Variants in UTP4 observed in about 807,000 individuals in gnomAD.
The protein encoded by UTP4 is U3 small nucleolar RNA-associated protein 4 homolog.
UTP4 carries 45 observed loss-of-function variants against 82.4 expected under a neutral mutation model. The observed-to-expected ratio is 0.55, with a 90% CI of 0.43 to 0.70. The LOEUF (loss-of-function observed/expected upper bound fraction) is 0.70. UTP4 is among the 30% of genes least tolerant of loss of function. UTP4 has a pLI of 0.00. For synonymous variants in UTP4, 348 were observed against 300.3 expected (o/e 1.16, Z -1.64); for missense variants, 819 against 858.3 (o/e 0.95, Z 0.57).
chr16:69,156,977 A>G, intron 11 of UTP4, 107 bp from the exon 12 acceptor site: 1 of 1,163,300 alleles, frequency 8.6e-7, no homozygotes, highest in African/African-American at 1.5e-5. Flanking sequence ...CAGTTGGCTT[A>G]CTTAGAGACA....
intron 6 of UTP4, among the ~76,000 whole-genome samples, chr16:69,147,013 AAAAAAAATAC>A (rs1350373943): frequency 2.6e-4 from 38 of 148,698 alleles, no homozygotes; most frequent in Non-Finnish European, 4.5e-4. Flanking sequence ...AAAAAAAAAA[AAAAAAAATAC>A]AAAAATTAGC....
intron 4 of UTP4, among the ~76,000 whole-genome samples, chr16:69,138,674 G>A (rs1373739148): frequency 2.0e-5 from 3 of 152,206 alleles, no homozygotes; most frequent in East Asian, 1.9e-4. Flanking sequence ...GACTGTTTCT[G>A]TAAAGGACCA....
chr16:69,159,346 G>T (rs1388806826), intron 12 of UTP4, among the ~76,000 whole-genome samples: 5 of 151,996 alleles, frequency 3.3e-5, no homozygotes, highest in African/African-American at 1.2e-4. Flanking sequence ...CTCCCAAAGT[G>T]CTGGGATTAC....
At chr16:69,156,109 G>C (rs1280380701) in intron 11 of UTP4, 116 bp downstream of exon 11, 3 of 1,000,700 alleles carry the variant, frequency 3.0e-6, no homozygotes, top group Non-Finnish European at 4.7e-6. Flanking sequence ...ACTATTTGGA[G>C]ATTTGGAGAA....
chr16:69,164,922 G>T (rs960183306), intron 14 of UTP4, among the ~76,000 whole-genome samples: 1 of 152,124 alleles, frequency 6.6e-6, no homozygotes, highest in South Asian at 2.1e-4. Context: ...TGGGCAGGGC[G>T]CGGTGGCTCA....
At chr16:69,161,324 C>T (rs1284434908) in intron 13 of UTP4, among the ~76,000 whole-genome samples, 3 of 152,210 alleles carry the variant, frequency 2.0e-5, no homozygotes, top group Non-Finnish European at 2.9e-5. Context: ...TTGGAATAAG[C>T]ATTAAAAGTG....
intron 14 of UTP4, among the ~76,000 whole-genome samples, chr16:69,163,934 G>A (rs369686848): frequency 6.9e-6 from 1 of 143,890 alleles, no homozygotes; most frequent in African/African-American, 2.6e-5. Context: ...CGCCCAGGCT[G>A]GAGTGCAGTG....
chr16:69,156,545 G>C (rs957809361), intron 11 of UTP4, among the ~76,000 whole-genome samples: 6 of 150,692 alleles, frequency 4.0e-5, no homozygotes, highest in African/African-American at 1.5e-4. Context: ...CGCAATCTCT[G>C]CCTCTCGGGT....
intron 16 of UTP4, among the ~76,000 whole-genome samples, chr16:69,168,302 G>C (rs1170093559): frequency 1.3e-5 from 2 of 152,066 alleles, no homozygotes; most frequent in African/African-American, 2.4e-5. Context: ...CGGGCGTGGT[G>C]GTGGGCACCT....
Position 69,165,364 on chromosome 16 carries a change from C to A in UTP4, c.1671C>A (p.Asp557Glu). The A allele has an allele frequency of 1.2e-6, 2 of 1,614,156 alleles. No individual in the cohort carries two copies. Among genetic ancestry groups the A allele is most frequent in the Non-Finnish European group, 1.7e-6 (2 of 1,180,030 alleles). ...AGGTATTTGAGTACAGCATCCCAGA[C>A]AAACAGTATACAGATTGGAGCCGGA... ...DQQVFEYSIP[D>E]KQYTDWSRTV... The change falls in exon 15 of 17, where the codon GAC becomes GAA. Residue 557 changes from aspartate to glutamate, a missense_variant. Asp to Glu is a conservative substitution (Grantham distance 45, BLOSUM62 2). Coordinates refer to ENST00000314423, the MANE Select transcript of UTP4 (RefSeq NM_032830.3).
intron 10 of UTP4, among the ~76,000 whole-genome samples, chr16:69,155,103 T>C (rs941177416): frequency 5.9e-5 from 9 of 152,214 alleles, no homozygotes; most frequent in Non-Finnish European, 1.0e-4. Flanking sequence ...AAAAACTACA[T>C]ACATGTTACA....
intron 5 of UTP4, among the ~76,000 whole-genome samples, chr16:69,142,450 C>T (rs551324789): frequency 6.6e-6 from 1 of 152,320 alleles, no homozygotes; most frequent in East Asian, 1.9e-4. Flanking sequence ...ATTCTGCTGA[C>T]GTGCATTTTG....
intron 13 of UTP4, 21 bp from the exon 14 acceptor site, chr16:69,163,062 G>T: frequency 1.3e-6 from 2 of 1,593,242 alleles, no homozygotes; most frequent in Non-Finnish European, 1.7e-6. Context: ...GTTGCCACTT[G>T]TGTCTGTTAT....
chr16:69,160,248 A>C, intron 12 of UTP4, 108 bp from the exon 13 acceptor site: 1 of 835,146 alleles, frequency 1.2e-6, no homozygotes, highest in Non-Finnish European at 2.1e-6. Context: ...TTATCCTGGC[A>C]GTGATTTAAA....
chr16:69,143,548 C>T (rs1963026227), intron 6 of UTP4, among the ~76,000 whole-genome samples, 159 bp downstream of exon 6: 1 of 152,086 alleles, frequency 6.6e-6, no homozygotes, highest in Admixed American at 6.6e-5. Context: ...CACATTGTTT[C>T]CATAGTACCT....
At chr16:69,146,169 CATT>C in intron 6 of UTP4, among the ~76,000 whole-genome samples, 1 of 151,816 alleles carries the variant, frequency 6.6e-6, no homozygotes, top group Non-Finnish European at 1.5e-5. Context: ...ATTCTCCCCA[CATT>C]ATTTACTTTT....
chr16:69,146,642 G>A (rs1221921939), intron 6 of UTP4, among the ~76,000 whole-genome samples: 2 of 151,262 alleles, frequency 1.3e-5, no homozygotes, highest in South Asian at 2.1e-4. Context: ...GGGTGGATCA[G>A]TTGAGGTCAG....
At chr16:69,142,848 TTCCCTCCCTTCC>T (rs1239657093) in intron 5 of UTP4, among the ~76,000 whole-genome samples, 2 of 152,180 alleles carry the variant, frequency 1.3e-5, no homozygotes, top group South Asian at 2.1e-4. Context: ...TCTCATTCTC[TTCCCTCCCTTCC>T]TCCCTCCCTT....
At chr16:69,154,942 A>G (rs899126859) in intron 10 of UTP4, among the ~76,000 whole-genome samples, 3 of 151,050 alleles carry the variant, frequency 2.0e-5, no homozygotes, top group African/African-American at 7.3e-5. Context: ...CTGGTCTTGA[A>G]CTCCCGACCT....
Sources: gnomAD v4.1 joint callset for allele counts (sites outside exome capture counted in the v4.1 genomes callset) on GRCh38, gnomAD v4.1.1 for gene constraint, MANE v1.5 for transcripts, NCBI Gene and HGNC (gene_info 2026-07-23, HGNC 2026-07-21) for gene names.